RFWD3: variants seen among roughly 807,000 people sequenced by gnomAD.
RFWD3 encodes ring finger and WD repeat domain 3, also known as E3 ubiquitin-protein ligase RFWD3.
A neutral mutation model predicts 87.7 loss-of-function variants in RFWD3; 65 were observed. That is an observed-to-expected ratio of 0.74 (90% CI 0.61 to 0.91). The LOEUF (loss-of-function observed/expected upper bound fraction) is 0.91. Ranked by LOEUF, RFWD3 falls within the 40% of genes least tolerant of loss-of-function variation. The pLI is 0.00. For synonymous variants in RFWD3, 433 were observed against 352.8 expected (o/e 1.23, Z -2.55); for missense variants, 1,078 against 938.5 (o/e 1.15, Z -1.94).
chr16:74,657,933 A>T (rs758278041), intron 2 of RFWD3, among the ~76,000 whole-genome samples: 1 of 152,202 alleles, frequency 6.6e-6, no homozygotes, highest in South Asian at 2.1e-4. Flanking sequence ...GTTGACACGT[A>T]TATCAATAGA....
chr16:74,638,816 G>A (rs992492753), intron 6 of RFWD3, among the ~76,000 whole-genome samples: 1 of 152,172 alleles, frequency 6.6e-6, no homozygotes, highest in African/African-American at 2.4e-5. Context: ...ATGTGGGCAT[G>A]TTCTGAGAAA....
intron 11 of RFWD3, among the ~76,000 whole-genome samples, chr16:74,627,450 C>A (rs912880869): frequency 2.0e-5 from 3 of 152,112 alleles, no homozygotes; most frequent in African/African-American, 7.2e-5. Flanking sequence ...TGGATGGCTC[C>A]CCCTTCTTCC....
chr16:74,647,385 T>A (rs1338460044), intron 4 of RFWD3, among the ~76,000 whole-genome samples: 2 of 152,080 alleles, frequency 1.3e-5, no homozygotes, highest in Non-Finnish European at 2.9e-5. Context: ...CCTCTCAGAT[T>A]CAAGTGACTC....
intron 6 of RFWD3, among the ~76,000 whole-genome samples, chr16:74,640,250 A>G (rs1248494090): frequency 2.0e-5 from 3 of 150,790 alleles, no homozygotes; most frequent in Non-Finnish European, 4.4e-5. Flanking sequence ...AGTTCAAGCG[A>G]TTCTTCTGAC....
intron 2 of RFWD3, among the ~76,000 whole-genome samples, chr16:74,652,788 A>G (rs2144274910): frequency 6.6e-6 from 1 of 152,310 alleles, no homozygotes; most frequent in East Asian, 1.9e-4. Flanking sequence ...TCCTGGAATA[A>G]CAAGGCATAC....
Position 74,626,482 on chromosome 16 carries a change from A to G in RFWD3, c.2042T>C (p.Ile681Thr), listed in dbSNP as rs993787960. Residue 681 changes from isoleucine (I) to threonine (T), a missense_variant, in exon 12 of 13, where the codon ATC (isoleucine) becomes ACC (threonine). Physicochemically the swap from Ile to Thr is moderately conservative, Grantham distance 89. Coordinates refer to ENST00000361070, the MANE Select transcript of RFWD3 (RefSeq NM_018124.4). ...SYRLDDTGNP[I>T]CSCQPVHTFF... ...TGTATGTACAGGCTGGCAGGAGCAG[A>G]TTGGATTTCCAGTGTCATCCAGTCG... 2 of 1,614,176 alleles carry G rather than the reference A, an allele frequency of 1.2e-6. No homozygotes were observed. Among genetic ancestry groups the G allele is most frequent in the Non-Finnish European group, 1.7e-6 (2 of 1,180,022 alleles).
intron 11 of RFWD3, among the ~76,000 whole-genome samples, chr16:74,627,721 C>A (rs1958977466): frequency 1.3e-5 from 2 of 152,202 alleles, no homozygotes; most frequent in African/African-American, 4.8e-5. Context: ...GGTCATGGGT[C>A]AGGCAGGCAT....
At chr16:74,647,629 T>C (rs1278921250) in intron 4 of RFWD3, among the ~76,000 whole-genome samples, 4 of 152,134 alleles carry the variant, frequency 2.6e-5, no homozygotes, top group Middle Eastern at 3.4e-3. Context: ...TCGTGCTCCG[T>C]CTCCCAAGCT....
chr16:74,645,413 G>A (rs1015205001), intron 4 of RFWD3, among the ~76,000 whole-genome samples: 8 of 152,190 alleles, frequency 5.3e-5, no homozygotes, highest in South Asian at 2.1e-4. Flanking sequence ...GTCTTTAGGC[G>A]ATTTCGTCAT....
At position 74,640,444 on chromosome 16, in the gene RFWD3, G is replaced by A. The variant is rs1001240118; in HGVS notation, c.1080-2474C>T. Among the ~76,000 whole-genome samples the A allele has an allele frequency of 7.2e-5, 11 of 151,822 alleles. No homozygotes were observed. In the East Asian group the frequency reaches 7.8e-4, roughly 11 times the overall value. On this transcript the variant is annotated intron_variant, in intron 6 of 12. Coordinates refer to ENST00000361070, the MANE Select transcript of RFWD3 (RefSeq NM_018124.4). ...CAGGCGTGAGCCAATGCGCCCGCCCGGAAACTTAATTAAGGATAGAAGTAG... is the reference window on the plus strand; with the variant it reads ...CAGGCGTGAGCCAATGCGCCCGCCCAGAAACTTAATTAAGGATAGAAGTAG...
At chr16:74,664,452 A>T (rs1487546302) in intron 1 of RFWD3, 1 of 152,168 alleles carries the variant, frequency 6.6e-6, no homozygotes, top group African/African-American at 2.4e-5. Context: ...TATTTAAATT[A>T]AATAAAAATC....
rs1466710989 is a variant in RFWD3, at chr16:74,626,533, C to T, written c.1991G>A (p.Arg664Gln). Reference sequence around the variant, plus strand: ...GTAGGACATTTCCATCAGCACACTTCGTATGGTGGTGTGATTTTTATCTAT... The same window carrying T: ...GTAGGACATTTCCATCAGCACACTTTGTATGGTGGTGTGATTTTTATCTAT... ...YRPDKNHTTI[R>Q]SVLMEMSYRL... The change falls in exon 12 of 13, where the codon CGA (arginine) becomes CAA (glutamine). Residue 664 changes from arginine (R) to glutamine (Q), a missense_variant. Transcript: ENST00000361070. The T allele has an allele frequency of 1.9e-6, 3 of 1,614,016 alleles. No individual in the cohort carries two copies. The highest frequency in any genetic ancestry group is 1.7e-5 in the Admixed American group (1 of 60,016).
At position 74,630,933 on chromosome 16, in the gene RFWD3, C is replaced by G; in HGVS notation, c.1602G>C (p.Gln534His). The G allele has an allele frequency of 6.2e-7, 1 of 1,612,266 alleles. No homozygotes were observed. The highest frequency in any genetic ancestry group is 1.7e-4 in the Middle Eastern group (1 of 6,058). ...LTSLETNTVV[Q>H]TYNAGRPVWS... is the part of the protein sequence containing the mutation. The stretch of plus-strand genomic sequence containing the variant: ...AGACAGGACGTCCAGCATTATAAGT[C>G]TGGACCACGGTATTTGTCTCCAGGC... Residue 534 changes from glutamine (Q) to histidine (H), a missense_variant, in exon 10 of 13, where the codon CAG becomes CAC. Physicochemically the swap from Gln to His is conservative, Grantham distance 24. Transcript: ENST00000361070.
chr16:74,634,188 T>A (rs1454232707), intron 8 of RFWD3, among the ~76,000 whole-genome samples: 1 of 152,032 alleles, frequency 6.6e-6, no homozygotes, highest in African/African-American at 2.4e-5. Flanking sequence ...CAATAGAGAA[T>A]GAAAATAAAT....
chr16:74,642,591 C>T (rs184546549), intron 6 of RFWD3, among the ~76,000 whole-genome samples: 1 of 152,284 alleles, frequency 6.6e-6, no homozygotes, highest in African/African-American at 2.4e-5. Context: ...GCCACAACCT[C>T]CTGGGCTCAA....
In RFWD3 at chr16:74,623,936, A is replaced by G; in HGVS notation, c.2317T>C (p.Trp773Arg). 6.2e-7 allele frequency: 1 copy of G among 1,614,074 alleles called. No individual in the cohort carries two copies. The change falls in exon 13 of 13, where the codon TGG (tryptophan) becomes CGG (arginine). Residue 773 changes from tryptophan (W) to arginine (R), a missense_variant. Transcript: ENST00000361070. ...AGGTTTCGAGACCACAGTCACTCCCACTTATAGATGTGGACCATCTTCTCT... is the reference window on the plus strand; with the variant it reads ...AGGTTTCGAGACCACAGTCACTCCCGCTTATAGATGTGGACCATCTTCTCT... ...LTEKMVHIYK[W>R]E
chr16:74,661,462 A>G lies in RFWD3; in HGVS notation c.-2-11T>C. On this transcript the variant is annotated splice_polypyrimidine_tract_variant and intron_variant, in intron 1 of 12. Transcript: ENST00000361070. ...CTTCATGAGCCATCACTAGAGAAAC[A>G]GTATTTGTAAAAAGTATTAATAAAA... The G allele has an allele frequency of 6.3e-7, 1 of 1,576,096 alleles. No individual in the cohort carries two copies. Among genetic ancestry groups the G allele is most frequent in the Non-Finnish European group, 8.6e-7 (1 of 1,163,892 alleles).
At chr16:74,624,553 G>A (rs1240812358) in intron 12 of RFWD3, among the ~76,000 whole-genome samples, 2 of 152,132 alleles carry the variant, frequency 1.3e-5, no homozygotes, top group African/African-American at 4.8e-5. Flanking sequence ...CCACCACCAC[G>A]CCCGGCTAAT....
At chr16:74,634,241 GAA>G (rs1959175087) in intron 8 of RFWD3, among the ~76,000 whole-genome samples, 1 of 152,082 alleles carries the variant, frequency 6.6e-6, no homozygotes, top group South Asian at 2.1e-4. Context: ...GAAATGAAAT[GAA>G]ACAGATGACA....
Sources: gnomAD v4.1 joint callset for allele counts (sites outside exome capture counted in the v4.1 genomes callset) on GRCh38, gnomAD v4.1.1 for gene constraint, MANE v1.5 for transcripts, NCBI Gene and HGNC (gene_info 2026-07-23, HGNC 2026-07-21) for gene names.